Variants in BCKDHB observed in about 807,000 individuals in gnomAD.
BCKDHB encodes the protein branched chain keto acid dehydrogenase E1 subunit beta.
A neutral mutation model predicts 48.5 loss-of-function variants in BCKDHB; 41 were observed. The observed-to-expected ratio is 0.85, with a 90% CI of 0.66 to 1.10. The LOEUF is 1.10. Ranked by LOEUF, BCKDHB falls within the 50% of genes least tolerant of loss-of-function variation. BCKDHB has a pLI of 0.00. For missense variants in BCKDHB, 496 were observed against 494.2 expected (o/e 1.00, Z -0.03); for synonymous variants, 201 against 174.8 (o/e 1.15, Z -1.18).
At chr6:80,184,276 G>A (rs1238791945) in intron 6 of BCKDHB, among the ~76,000 whole-genome samples, 1 of 152,034 alleles carries the variant, frequency 6.6e-6, no homozygotes, top group Non-Finnish European at 1.5e-5. Context: ...GCTAGCTTTG[G>A]TTTCCATTTG....
In BCKDHB at chr6:80,224,870, G is replaced by T. The variant is rs1775615061; in HGVS notation, c.951+21658G>T. Among the ~76,000 whole-genome samples, 4 of 152,148 alleles carry T rather than the reference G, an allele frequency of 2.6e-5. No homozygotes were observed. The South Asian group carries it at 8.3e-4, about 31-fold the overall frequency. On this transcript the variant is annotated intron_variant, in intron 8 of 9. Coordinates refer to ENST00000320393, the MANE Select transcript of BCKDHB (RefSeq NM_183050.4). Reference sequence around the variant, plus strand: ...GAAGCCACGCAGTTCATCTCCCTGTGCACTTCAAGGTGACACCCTGACAGA... The same window carrying T: ...GAAGCCACGCAGTTCATCTCCCTGTTCACTTCAAGGTGACACCCTGACAGA...
At chr6:80,177,225 C>CAAAAAAAAAAAAAA (rs575991853) in intron 6 of BCKDHB, among the ~76,000 whole-genome samples, 2 of 43,150 alleles carry the variant, frequency 4.6e-5, no homozygotes, top group African/African-American at 9.6e-5. Flanking sequence ...GACCTTGTCT[C>CAAAAAAAAAAAAAA]AAAAAAAAAA....
intron 8 of BCKDHB, among the ~76,000 whole-genome samples, chr6:80,220,745 T>C (rs2127860814): frequency 6.8e-6 from 1 of 147,298 alleles, no homozygotes; most frequent in East Asian, 1.9e-4. Flanking sequence ...TTTTTTTTTT[T>C]TTTTTTGAGA....
At chr6:80,410,789 C>G in the BCKDHB span, among the ~76,000 whole-genome samples, 2 of 152,164 alleles carry the variant, frequency 1.3e-5, no homozygotes, top group Non-Finnish European at 2.9e-5. Context: ...ATTTTCAGCT[C>G]CATCAGGTCA....
the BCKDHB span, among the ~76,000 whole-genome samples, chr6:80,442,408 GTTTC>G: frequency 2.0e-5 from 3 of 151,894 alleles, no homozygotes; most frequent in African/African-American, 4.8e-5. Flanking sequence ...TCAGTTTTTT[GTTTC>G]TTTAATAGTT....
At chr6:80,199,759 G>A in intron 6 of BCKDHB, among the ~76,000 whole-genome samples, 1 of 111,080 alleles carries the variant, frequency 9.0e-6, no homozygotes. Context: ...GCGACAGAGT[G>A]AGACTCTGTC....
intron 8 of BCKDHB, among the ~76,000 whole-genome samples, chr6:80,216,429 A>G (rs1274216979): frequency 6.6e-6 from 1 of 152,168 alleles, no homozygotes; most frequent in African/African-American, 2.4e-5. Flanking sequence ...AAATCACACT[A>G]CCATATTTTC....
At chr6:80,326,442 G>A (rs1441114071) in intron 9 of BCKDHB, among the ~76,000 whole-genome samples, 7 of 152,136 alleles carry the variant, frequency 4.6e-5, no homozygotes, top group Admixed American at 6.6e-5. Context: ...GTATAGTATA[G>A]GTTATAGGAG....
chr6:80,126,421 A>C (rs1770342763), intron 1 of BCKDHB, among the ~76,000 whole-genome samples: 1 of 152,166 alleles, frequency 6.6e-6, no homozygotes, highest in African/African-American at 2.4e-5. Flanking sequence ...ATGGTCAGAC[A>C]GTTGAAGGCA....
chr6:80,404,013 A>C, the BCKDHB span, among the ~76,000 whole-genome samples: 1 of 151,998 alleles, frequency 6.6e-6, no homozygotes. Context: ...ATCTATGCTC[A>C]TCAGGGGTAT....
At chr6:80,229,468 G>T (rs1775816679) in intron 8 of BCKDHB, among the ~76,000 whole-genome samples, 1 of 152,140 alleles carries the variant, frequency 6.6e-6, no homozygotes, top group African/African-American at 2.4e-5. Flanking sequence ...AGCTTGGTGT[G>T]GTTGTAGTCG....
chr6:80,205,275 T>G (rs1483610095), intron 8 of BCKDHB, among the ~76,000 whole-genome samples: 1 of 152,072 alleles, frequency 6.6e-6, no homozygotes, highest in Non-Finnish European at 1.5e-5. Context: ...TTCATCTTGA[T>G]GAATTCTATA....
intron 7 of BCKDHB, among the ~76,000 whole-genome samples, chr6:80,202,258 C>T (rs191710147): frequency 1.2e-4 from 19 of 152,226 alleles, no homozygotes; most frequent in Non-Finnish European, 2.1e-4. Context: ...TTTCAGACTG[C>T]GTTCCATTTT....
At chr6:80,152,550 G>C (rs1281343208) in intron 3 of BCKDHB, among the ~76,000 whole-genome samples, 1 of 152,052 alleles carries the variant, frequency 6.6e-6, no homozygotes, top group Non-Finnish European at 1.5e-5. Flanking sequence ...CAAACATTTA[G>C]GTCATAATCA....
the BCKDHB span, among the ~76,000 whole-genome samples, chr6:80,410,087 G>GT: frequency 6.6e-6 from 1 of 152,060 alleles, no homozygotes; most frequent in African/African-American, 2.4e-5. Context: ...GCTGGTACTG[G>GT]TTTTTCTTTT....
chr6:80,283,869 C>A (rs1264516779), intron 9 of BCKDHB, among the ~76,000 whole-genome samples: 1 of 152,050 alleles, frequency 6.6e-6, no homozygotes, highest in Non-Finnish European at 1.5e-5. Context: ...TGAAAGACAG[C>A]AGATAATGTA....
intron 6 of BCKDHB, among the ~76,000 whole-genome samples, chr6:80,177,715 A>T (rs1476035536): frequency 6.6e-6 from 1 of 152,144 alleles, no homozygotes; most frequent in Non-Finnish European, 1.5e-5. Flanking sequence ...CAAGGTAGAG[A>T]TGTTATTTTC....
At chr6:80,413,451 A>T in the BCKDHB span, among the ~76,000 whole-genome samples, 5 of 151,484 alleles carry the variant, frequency 3.3e-5, no homozygotes, top group Non-Finnish European at 5.9e-5. Flanking sequence ...TCCTTTTCCC[A>T]CCCTCCACTC....
chr6:80,176,088 A>G (rs1455642282), intron 6 of BCKDHB, among the ~76,000 whole-genome samples: 2 of 152,184 alleles, frequency 1.3e-5, no homozygotes. Context: ...ATATGATATC[A>G]TGGAGAAGGC....
Sources: allele counts gnomAD v4.1 joint callset (sites outside exome capture counted in the v4.1 genomes callset), GRCh38; gene constraint gnomAD v4.1.1; transcripts MANE v1.5; gene names NCBI Gene and HGNC (gene_info 2026-07-23, HGNC 2026-07-21).